Variants in PCLO observed in about 807,000 individuals in gnomAD.
The protein encoded by PCLO is protein piccolo.
Under a neutral mutation model 427.5 loss-of-function variants are expected in PCLO, and 82 were observed. That is an observed-to-expected ratio of 0.19 (90% CI 0.16 to 0.23). The LOEUF is 0.23. Among genes scored for constraint, PCLO ranks in the 10% least tolerant of loss-of-function variants. PCLO has a pLI of 1.00. For missense variants in PCLO, 6,239 were observed against 6,115.9 expected (o/e 1.02, Z -0.67); for synonymous variants, 2,357 against 2,155.4 (o/e 1.09, Z -2.59).
chr7:82,957,177 T>C (rs1362792534), intron 4 of PCLO, among the ~76,000 whole-genome samples: 2 of 152,194 alleles, frequency 1.3e-5, no homozygotes, highest in Admixed American at 1.3e-4. Context: ...TCTTCTTTCA[T>C]AAATACTCTA....
At chr7:82,888,663 A>G (rs1793684435) in intron 9 of PCLO, among the ~76,000 whole-genome samples, 1 of 152,318 alleles carries the variant, frequency 6.6e-6, no homozygotes, top group Admixed American at 6.5e-5. Flanking sequence ...TCAAGATGCC[A>G]ATCTTCCCTA....
At chr7:82,843,665 AT>A (rs71522631) in intron 13 of PCLO, among the ~76,000 whole-genome samples, 228 of 135,732 alleles carry the variant, frequency 1.7e-3, no homozygotes, top group Admixed American at 2.8e-3. Context: ...CAACGTATTC[AT>A]TTTTTTTTTT....
chr7:82,916,589 T>A lies in PCLO; in HGVS notation c.11397A>T (p.Arg3799=). 6.2e-7 allele frequency: 1 copy of A among 1,613,724 alleles called. No homozygotes were observed. The highest frequency in any genetic ancestry group is 1.3e-5 in the African/African-American group (1 of 75,030). The part of the protein sequence containing the change: ...EEEKEIDAKL[R]YLEMGINRRK... ...TCCTGTTAATTCCCATTTCCAGGTA[T>A]CGTAGCTTAGCATCAATCTCCTTTT... The change falls in exon 7 of 25, where the codon CGA becomes CGT. Residue 3799 remains arginine (R), a synonymous_variant. Coordinates refer to ENST00000333891, the MANE Select transcript of PCLO (RefSeq NM_033026.6).
chr7:82,814,751 G>A (rs1000248227), intron 20 of PCLO, among the ~76,000 whole-genome samples: 2 of 151,690 alleles, frequency 1.3e-5, no homozygotes, highest in South Asian at 2.1e-4. Context: ...CTGTACACTC[G>A]AGAAAAAAAT....
intron 3 of PCLO, among the ~76,000 whole-genome samples, chr7:83,110,795 C>A (rs2116522240): frequency 6.6e-6 from 1 of 152,286 alleles, no homozygotes; most frequent in Admixed American, 6.5e-5. Flanking sequence ...CACTTCCACA[C>A]ATGCAGTCAG....
At chr7:82,895,537 G>A (rs1793882155) in intron 9 of PCLO, among the ~76,000 whole-genome samples, 2 of 151,594 alleles carry the variant, frequency 1.3e-5, no homozygotes, top group African/African-American at 4.8e-5. Flanking sequence ...AGCAAAAATT[G>A]GGTCTTTGAA....
chr7:82,858,453 G>A (rs879810936), intron 10 of PCLO, among the ~76,000 whole-genome samples: 3 of 152,036 alleles, frequency 2.0e-5, no homozygotes, highest in Admixed American at 2.0e-4. Context: ...GTCCTACCCA[G>A]AGCATTGGGA....
At chr7:83,036,190 T>C (rs1371774035) in intron 3 of PCLO, among the ~76,000 whole-genome samples, 1 of 152,150 alleles carries the variant, frequency 6.6e-6, no homozygotes, top group African/African-American at 2.4e-5. Context: ...AACACCTTCT[T>C]AGCACAGTGG....
intron 3 of PCLO, among the ~76,000 whole-genome samples, chr7:83,005,776 A>T (rs2115954316): frequency 6.6e-6 from 1 of 151,726 alleles, no homozygotes; most frequent in South Asian, 2.1e-4. Context: ...GGGGAAGCTG[A>T]GTTAAATATT....
intron 3 of PCLO, among the ~76,000 whole-genome samples, chr7:83,062,895 CT>C (rs1789574929): frequency 6.6e-6 from 1 of 152,080 alleles, no homozygotes; most frequent in Non-Finnish European, 1.5e-5. Flanking sequence ...ATTGCATTGA[CT>C]TTCTAATATT....
intron 14 of PCLO, among the ~76,000 whole-genome samples, chr7:82,840,298 C>A (rs1454766507): frequency 6.6e-6 from 1 of 151,880 alleles, no homozygotes; most frequent in Non-Finnish European, 1.5e-5. Flanking sequence ...ACGTGTCAAC[C>A]TTCTGCACAT....
chr7:82,901,495 T>C (rs971748602), intron 9 of PCLO, among the ~76,000 whole-genome samples: 6 of 151,918 alleles, frequency 3.9e-5, no homozygotes, highest in South Asian at 2.1e-4. Context: ...TAGGCATTAC[T>C]ATTCAGGACA....
Position 82,954,263 on chromosome 7 carries a change from A to T in PCLO, c.6690T>A (p.Thr2230=). 1 of 1,613,738 alleles carries T rather than the reference A, an allele frequency of 6.2e-7. No homozygotes were observed. The highest frequency in any genetic ancestry group is 1.7e-4 in the Middle Eastern group (1 of 6,058). The change falls in exon 5 of 25, where the codon ACT becomes ACA. Residue 2230 remains threonine (T), a synonymous_variant. Coordinates refer to ENST00000333891, the MANE Select transcript of PCLO (RefSeq NM_033026.6). ...FEDSEEISSS[T]YFPGSIIDYP... ...AGTCTATAATGCTGCCTGGAAAATAAGTTGATGAAGAAATTTCCTCAGAAT... is the reference window on the plus strand; with the variant it reads ...AGTCTATAATGCTGCCTGGAAAATATGTTGATGAAGAAATTTCCTCAGAAT...
chr7:82,921,396 C>T (rs943962298), intron 6 of PCLO, among the ~76,000 whole-genome samples: 1 of 151,772 alleles, frequency 6.6e-6, no homozygotes, highest in Non-Finnish European at 1.5e-5. Flanking sequence ...CAAAAACAGA[C>T]ACATACAACA....
chr7:82,888,569 TC>T lies in PCLO; in HGVS notation c.13529-9108del, dbSNP rs756358944. Among the ~76,000 whole-genome samples the T allele has an allele frequency of 1.2e-3, 176 of 152,268 alleles. 2 individuals carry two copies. Among genetic ancestry groups the T allele is most frequent in the Non-Finnish European group, 4.1e-4 (28 of 68,026 alleles). On this transcript the variant is annotated intron_variant, in intron 9 of 24. Transcript: ENST00000333891. Reference sequence around the variant, plus strand: ...CTTATTCATTCATTATGATTAAGCTTCCTTCAGAATTCAACTTTGAAGCAAA... The same window carrying T: ...CTTATTCATTCATTATGATTAAGCTTCTTCAGAATTCAACTTTGAAGCAAA...
chr7:82,971,164 C>A (rs748382711), intron 3 of PCLO, among the ~76,000 whole-genome samples: 2 of 151,772 alleles, frequency 1.3e-5, no homozygotes, highest in Non-Finnish European at 3.0e-5. Context: ...CAGTAGCAAC[C>A]TGGAAATCAA....
chr7:82,791,568 T>C (rs1364527194), intron 22 of PCLO, among the ~76,000 whole-genome samples: 2 of 132,280 alleles, frequency 1.5e-5, no homozygotes, highest in Non-Finnish European at 3.4e-5. Flanking sequence ...AAGCAAATAA[T>C]AGAATATATT....
chr7:82,865,887 T>C (rs1793079978), intron 10 of PCLO, among the ~76,000 whole-genome samples: 1 of 152,178 alleles, frequency 6.6e-6, no homozygotes, highest in South Asian at 2.1e-4. Context: ...TTTAAAACTA[T>C]TCTTAATACA....
At chr7:83,026,009 T>C (rs1788485064) in intron 3 of PCLO, among the ~76,000 whole-genome samples, 1 of 151,372 alleles carries the variant, frequency 6.6e-6, no homozygotes, top group East Asian at 1.9e-4. Context: ...CATGCCAAAA[T>C]GTAAAGACCA....
Sources: gnomAD v4.1 joint callset for allele counts (sites outside exome capture counted in the v4.1 genomes callset) on GRCh38, gnomAD v4.1.1 for gene constraint, MANE v1.5 for transcripts, NCBI Gene and HGNC (gene_info 2026-07-23, HGNC 2026-07-21) for gene names.